RPS6KA6: variants seen among roughly 807,000 people sequenced by gnomAD.
The protein encoded by RPS6KA6 is ribosomal protein S6 kinase A6, also known as ribosomal protein S6 kinase alpha-6.
RPS6KA6 carries 27 observed loss-of-function variants against 65.4 expected under a neutral mutation model. That is an observed-to-expected ratio of 0.41 (90% CI 0.30 to 0.57). The LOEUF is 0.57. Ranked by LOEUF, RPS6KA6 falls within the 20% of genes least tolerant of loss-of-function variation. The probability of loss-of-function intolerance (pLI) is 0.24; values close to 1 mark genes in which losing one functional copy is unlikely to be tolerated. For synonymous variants in RPS6KA6, 190 were observed against 184.2 expected (o/e 1.03, Z -0.26); for missense variants, 486 against 555.6 (o/e 0.87, Z 1.26).
At chrX:84,127,898 C>T (rs6616903) in intron 8 of RPS6KA6, among the ~76,000 whole-genome samples, 6,824 of 111,038 alleles carry the variant, frequency 0.061, 227 homozygotes, top group East Asian at 0.2. Context: ...CATCCTTTCC[C>T]CTGAGACCTG....
At chrX:84,125,438 T>G (rs1231317099) in intron 8 of RPS6KA6, among the ~76,000 whole-genome samples, 2 of 111,948 alleles carry the variant, frequency 1.8e-5, no homozygotes, top group Non-Finnish European at 3.8e-5. Flanking sequence ...TCAGGTTTTT[T>G]TGCATGTTTG....
At position 84,058,649 on chromosome X, in the gene RPS6KA6, G is replaced by A. The variant is rs1442020978; in HGVS notation, c.*5628C>T. Reference sequence around the variant, plus strand: ...AAAGAAAACATTAATAAAATAAATGGTAACATAAAATTCATAATATAGTCA... The same window carrying A: ...AAAGAAAACATTAATAAAATAAATGATAACATAAAATTCATAATATAGTCA... On this transcript the variant is annotated 3_prime_UTR_variant, in exon 22 of 22. Coordinates refer to ENST00000262752, the MANE Select transcript of RPS6KA6 (RefSeq NM_014496.5). 1 of 111,387 alleles carries A rather than the reference G, an allele frequency of 9.0e-6. No homozygotes were observed. Among genetic ancestry groups the A allele is most frequent in the Non-Finnish European group, 1.9e-5 (1 of 53,073 alleles). 9.2% of individuals were successfully genotyped at this position (111,387 alleles called of 1,213,427 possible). A position where few individuals can be genotyped will look rare whatever the true frequency, so the allele number is the denominator to read the frequency against.
intron 1 of RPS6KA6, among the ~76,000 whole-genome samples, chrX:84,178,054 A>G (rs1442999389): frequency 1.8e-5 from 2 of 111,689 alleles, no homozygotes; most frequent in Non-Finnish European, 3.8e-5. Flanking sequence ...CTGCCTCCCA[A>G]AGTGCTGGGA....
chrX:84,092,570 C>T lies in RPS6KA6; in HGVS notation c.1971+3624G>A, dbSNP rs142650885. On this transcript the variant is annotated intron_variant, in intron 20 of 21. Coordinates refer to ENST00000262752, the MANE Select transcript of RPS6KA6 (RefSeq NM_014496.5). Reference sequence around the variant, plus strand: ...CTGGGAGGCAGAGGTTGCAGTGAGCCGAGGTCACGCCACTGCACTGCAGCC... The same window carrying T: ...CTGGGAGGCAGAGGTTGCAGTGAGCTGAGGTCACGCCACTGCACTGCAGCC... 2.8e-3 allele frequency among the ~76,000 whole-genome samples: 301 copies of T among 108,714 alleles called. 1 individual carries two copies. The highest frequency in any genetic ancestry group is 9.3e-3 in the African/African-American group (277 of 29,722). 94.4% of individuals were successfully genotyped at this position (108,714 alleles called of 115,157 possible). A position where few individuals can be genotyped will look rare whatever the true frequency, so the allele number is the denominator to read the frequency against.
chrX:84,154,807 T>G (rs2035387533), intron 3 of RPS6KA6, among the ~76,000 whole-genome samples: 1 of 111,733 alleles, frequency 8.9e-6, no homozygotes. Context: ...GTTTGTCTTT[T>G]TTGTGTCCTG....
At position 84,187,160 on chromosome X, in the gene RPS6KA6, G is replaced by C. The variant is rs1443993678; in HGVS notation, c.81+659C>G. Among the ~76,000 whole-genome samples, 3 of 111,680 alleles carry C rather than the reference G, an allele frequency of 2.7e-5. No homozygotes were observed. The Admixed American group carries it at 2.9e-4, about 11-fold the overall frequency. ...ACAGCGGTTGTGGAAAGGAGAAGGGGTGGAGCAAGAGTGCAGTAGAATCAA... is the reference window on the plus strand; with the variant it reads ...ACAGCGGTTGTGGAAAGGAGAAGGGCTGGAGCAAGAGTGCAGTAGAATCAA... On this transcript the variant is annotated intron_variant, in intron 1 of 21. Coordinates refer to ENST00000262752, the MANE Select transcript of RPS6KA6 (RefSeq NM_014496.5).
At chrX:84,163,890 T>A (rs1449836109) in intron 2 of RPS6KA6, among the ~76,000 whole-genome samples, 2 of 111,464 alleles carry the variant, frequency 1.8e-5, no homozygotes, top group African/African-American at 6.5e-5. Context: ...TTACACATAA[T>A]CCTTTCTAAA....
At chrX:84,134,449 G>A (rs1169641146) in intron 8 of RPS6KA6, among the ~76,000 whole-genome samples, 1 of 111,291 alleles carries the variant, frequency 9.0e-6, no homozygotes, top group Admixed American at 9.6e-5. Context: ...AGGAGTTAGG[G>A]AAGGTGGAGG....
chrX:84,118,801 C>T lies in RPS6KA6; in HGVS notation c.789+1084G>A, dbSNP rs1440828809. 2.7e-5 allele frequency among the ~76,000 whole-genome samples: 3 copies of T among 111,648 alleles called. No homozygotes were observed. In the Admixed American group the frequency reaches 2.9e-4, roughly 11 times the overall value. ...TTGTCTTCCTATTTCTAGTTTCTTC[C>T]ATTACAATCCACTTACAAGGCTAAT... is the stretch of plus-strand genomic sequence containing the variant. On this transcript the variant is annotated intron_variant, in intron 9 of 21. Coordinates refer to ENST00000262752, the MANE Select transcript of RPS6KA6 (RefSeq NM_014496.5).
intron 1 of RPS6KA6, among the ~76,000 whole-genome samples, chrX:84,164,803 T>C (rs1485414338): frequency 8.9e-6 from 1 of 111,895 alleles, no homozygotes; most frequent in East Asian, 2.8e-4. Context: ...TGTGAATTCC[T>C]CTTTCATTCA....
chrX:84,165,111 T>C (rs965903347), intron 1 of RPS6KA6, among the ~76,000 whole-genome samples: 1 of 110,337 alleles, frequency 9.1e-6, no homozygotes, highest in African/African-American at 3.3e-5. Flanking sequence ...AACAGCAGAG[T>C]TGACCAGTTG....
At chrX:84,090,274 G>A (rs1049211615) in intron 20 of RPS6KA6, among the ~76,000 whole-genome samples, 3 of 111,764 alleles carry the variant, frequency 2.7e-5, no homozygotes, top group African/African-American at 9.8e-5. Flanking sequence ...AAAAAACAAG[G>A]GTTGATTTCT....
chrX:84,064,899 C>A lies in RPS6KA6; in HGVS notation c.2112+72G>T, dbSNP rs766104053. On this transcript the variant is annotated intron_variant, in intron 21 of 21. Transcript: ENST00000262752. ...TTTTAAGGAATTATTTAAGTGTCAT[C>A]AGCAAGTGGCACACAATGGGTTTAT... The A allele has an allele frequency of 4.0e-4, 305 of 769,532 alleles. 1 individual carries two copies. Among genetic ancestry groups the A allele is most frequent in the Non-Finnish European group, 5.2e-4 (273 of 529,639 alleles). The allele number at this position is 769,532 out of a possible 1,213,427, so 63.4% of individuals were successfully genotyped here. A position where few individuals can be genotyped will look rare whatever the true frequency, so the allele number is the denominator to read the frequency against.
chrX:84,137,183 TATTTTA>T (rs1310858452), intron 6 of RPS6KA6, among the ~76,000 whole-genome samples: 1 of 111,912 alleles, frequency 8.9e-6, no homozygotes, highest in Non-Finnish European at 1.9e-5. Flanking sequence ...TGTCCATGTG[TATTTTA>T]ATACAGTTGA....
intron 12 of RPS6KA6, among the ~76,000 whole-genome samples, chrX:84,109,055 C>G (rs2034418791): frequency 8.9e-6 from 1 of 111,793 alleles, no homozygotes; most frequent in Admixed American, 9.4e-5. Flanking sequence ...GCGCCCAACA[C>G]CACCATCACA....
At chrX:84,135,039 C>G in intron 7 of RPS6KA6, 65 bp downstream of exon 7, 1 of 790,779 alleles carries the variant, frequency 1.3e-6, no homozygotes, top group South Asian at 2.3e-5. Flanking sequence ...AAAGATCTAA[C>G]AGAGTTTGAC....
At position 84,102,114 on chromosome X, in the gene RPS6KA6, C is replaced by CA; in HGVS notation, c.1698dup (p.Gly567TrpfsTer26). The CA allele has an allele frequency of 8.4e-7, 1 of 1,195,799 alleles. No individual in the cohort carries two copies. On this transcript the variant is annotated frameshift_variant, in exon 18 of 22. Transcript: ENST00000262752. LOFTEE classifies it high-confidence loss of function. ...TCTCCTCGAAGTTGTTTTGCAAACC[C>CA]AAAATCACATATCCTGATTGAATCT... is the stretch of plus-strand genomic sequence containing the variant.
chrX:84,141,689 T>C (rs2147532213), intron 6 of RPS6KA6, among the ~76,000 whole-genome samples: 1 of 111,315 alleles, frequency 9.0e-6, no homozygotes, highest in South Asian at 3.7e-4. Context: ...TATACCAAAC[T>C]AACACTACTT....
intron 20 of RPS6KA6, among the ~76,000 whole-genome samples, chrX:84,080,580 T>C (rs952973001): frequency 3.0e-5 from 3 of 99,230 alleles, no homozygotes; most frequent in Non-Finnish European, 6.1e-5. Flanking sequence ...CGACAGAAAA[T>C]TAACAAGGAT....
Sources: allele counts gnomAD v4.1 joint callset (sites outside exome capture counted in the v4.1 genomes callset), GRCh38; gene constraint gnomAD v4.1.1; transcripts MANE v1.5; gene names NCBI Gene and HGNC (gene_info 2026-07-23, HGNC 2026-07-21).